The following EGFLAM variants were observed in gnomAD, a reference collection of about 807,000 sequenced individuals.
The protein encoded by EGFLAM is pikachurin.
EGFLAM carries 79 observed loss-of-function variants against 113.1 expected under a neutral mutation model. The ratio of observed to expected loss-of-function variants is 0.70; its 90% CI spans 0.58 to 0.84. The LOEUF is 0.84. Among genes scored for constraint, EGFLAM ranks in the 40% least tolerant of loss-of-function variants. The probability of loss-of-function intolerance (pLI) is 0.00; values close to 1 mark genes in which losing one functional copy is unlikely to be tolerated. For missense variants in EGFLAM, 1,265 were observed against 1,291.6 expected, an observed-to-expected ratio of 0.98 and a Z score of 0.32; for synonymous variants, 504 against 487.6, an observed-to-expected ratio of 1.03 and a Z score of -0.44.
At chr5:38,381,762 A>T (rs1377369206) in intron 6 of EGFLAM, among the ~76,000 whole-genome samples, 2 of 152,150 alleles carry the variant, frequency 1.3e-5, no homozygotes, top group East Asian at 3.9e-4. Context: ...TGGGCAGCAC[A>T]CAAGTGGAAG....
At chr5:38,371,612 G>A (rs1022453645) in intron 6 of EGFLAM, among the ~76,000 whole-genome samples, 5 of 151,038 alleles carry the variant, frequency 3.3e-5, no homozygotes, top group Non-Finnish European at 5.9e-5. Flanking sequence ...ACACACATGC[G>A]CACACACACA....
intron 1 of EGFLAM, among the ~76,000 whole-genome samples, chr5:38,311,834 G>A (rs960063832): frequency 3.3e-5 from 5 of 152,124 alleles, no homozygotes; most frequent in Admixed American, 3.3e-4. Flanking sequence ...GAGGTCCTTG[G>A]ACAAACGACA....
chr5:38,294,630 T>C (rs1561266953), intron 1 of EGFLAM, among the ~76,000 whole-genome samples: 1 of 152,114 alleles, frequency 6.6e-6, no homozygotes, highest in Non-Finnish European at 1.5e-5. Context: ...CACAGGGTGA[T>C]GCTCCCATAC....
At chr5:38,417,022 C>A (rs1741661446) in intron 11 of EGFLAM, among the ~76,000 whole-genome samples, 1 of 151,976 alleles carries the variant, frequency 6.6e-6, no homozygotes, top group African/African-American at 2.4e-5. Flanking sequence ...CTTCCTTACC[C>A]TGTAATGCAG....
chr5:38,402,411 A>G (rs1469495855), intron 6 of EGFLAM, among the ~76,000 whole-genome samples: 1 of 152,170 alleles, frequency 6.6e-6, no homozygotes, highest in Non-Finnish European at 1.5e-5. Flanking sequence ...CACCAATTTT[A>G]TAGTATTTTG....
chr5:38,434,451 G>A (rs899432980), intron 15 of EGFLAM, among the ~76,000 whole-genome samples: 1 of 152,206 alleles, frequency 6.6e-6, no homozygotes, highest in African/African-American at 2.4e-5. Flanking sequence ...AGTGGCTGGG[G>A]CATATTGTAG....
At chr5:38,314,976 G>A (rs1163849508) in intron 1 of EGFLAM, among the ~76,000 whole-genome samples, 1 of 152,160 alleles carries the variant, frequency 6.6e-6, no homozygotes, top group Non-Finnish European at 1.5e-5. Flanking sequence ...CTTGTCATAA[G>A]CCACAATATT....
intron 14 of EGFLAM, 25 bp downstream of exon 14, chr5:38,427,277 T>C: frequency 6.2e-7 from 1 of 1,605,090 alleles, no homozygotes; most frequent in Non-Finnish European, 8.5e-7. Flanking sequence ...CTTCTGGGAC[T>C]CTTTCCCTTA....
At chr5:38,342,574 T>C (rs1372012107) in intron 3 of EGFLAM, among the ~76,000 whole-genome samples, 1 of 152,218 alleles carries the variant, frequency 6.6e-6, no homozygotes, top group Admixed American at 6.5e-5. Context: ...ATCTGCCTTA[T>C]AGTAGCTTTC....
chr5:38,347,730 G>T (rs1739511457), intron 3 of EGFLAM, among the ~76,000 whole-genome samples: 1 of 151,842 alleles, frequency 6.6e-6, no homozygotes, highest in African/African-American at 2.4e-5. Flanking sequence ...ATAAACAGGG[G>T]GACAAAAACA....
chr5:38,457,591 C>T (rs988495264), intron 19 of EGFLAM, among the ~76,000 whole-genome samples: 1 of 152,150 alleles, frequency 6.6e-6, no homozygotes, highest in African/African-American at 2.4e-5. Context: ...TGCCCTAATC[C>T]AGTATGACTT....
chr5:38,394,045 C>T (rs1264672854), intron 6 of EGFLAM, among the ~76,000 whole-genome samples: 12 of 152,088 alleles, frequency 7.9e-5, no homozygotes. Context: ...GGCCCATCTC[C>T]GAAGCCGCAC....
At chr5:38,279,379 G>A (rs1757962947) in intron 1 of EGFLAM, among the ~76,000 whole-genome samples, 2 of 152,210 alleles carry the variant, frequency 1.3e-5, no homozygotes, top group Admixed American at 6.5e-5. Flanking sequence ...ATATCAAAAG[G>A]AAATGAAATC....
At chr5:38,311,437 T>C (rs554486384) in intron 1 of EGFLAM, among the ~76,000 whole-genome samples, 1 of 152,198 alleles carries the variant, frequency 6.6e-6, no homozygotes, top group African/African-American at 2.4e-5. Flanking sequence ...AGTGAGATCA[T>C]GCGATCTTTG....
chr5:38,425,084 G>A lies in EGFLAM; in HGVS notation c.1802G>A (p.Cys601Tyr), dbSNP rs1741954913. The change falls in exon 13 of 22, where the codon TGT (cysteine) becomes TAT (tyrosine). Residue 601 changes from cysteine to tyrosine, a missense_variant. By Grantham distance (194) the Cys-to-Tyr change is radical (BLOSUM62 -2). Transcript: ENST00000322350. ...CCCCTTGGGTTTAAAGGTCGACACTGTGAAGATGGTGAGAAAGAAGCAAGT... is the reference window on the plus strand; with the variant it reads ...CCCCTTGGGTTTAAAGGTCGACACTATGAAGATGGTGAGAAAGAAGCAAGT... The part of the protein sequence containing the change: ...LCPLGFKGRH[C>Y]EDAFTLTIPQ... 9.3e-6 allele frequency: 15 copies of A among 1,613,310 alleles called. No homozygotes were observed. The highest frequency in any genetic ancestry group is 1.3e-5 in the Non-Finnish European group (15 of 1,179,580).
At chr5:38,425,324 G>A (rs545560806) in intron 13 of EGFLAM, among the ~76,000 whole-genome samples, 4 of 151,946 alleles carry the variant, frequency 2.6e-5, no homozygotes, top group African/African-American at 7.3e-5. Flanking sequence ...AACTACAGGC[G>A]CCCAGCTAAT....
At chr5:38,282,762 G>A (rs1283507479) in intron 1 of EGFLAM, among the ~76,000 whole-genome samples, 1 of 152,166 alleles carries the variant, frequency 6.6e-6, no homozygotes, top group Non-Finnish European at 1.5e-5. Context: ...TATATCATGG[G>A]AAGAAGGCAA....
At chr5:38,385,204 A>G (rs1354638488) in intron 6 of EGFLAM, among the ~76,000 whole-genome samples, 1 of 151,602 alleles carries the variant, frequency 6.6e-6, no homozygotes, top group African/African-American at 2.4e-5. Flanking sequence ...TTACATTGCA[A>G]CCTAGTACAC....
At chr5:38,448,465 G>T in intron 18 of EGFLAM, 86 bp downstream of exon 18, 1 of 1,373,878 alleles carries the variant, frequency 7.3e-7, no homozygotes, top group Non-Finnish European at 1.0e-6. Flanking sequence ...TATATTTCAT[G>T]CCAGAAGATA....
Sources: allele counts gnomAD v4.1 joint callset (sites outside exome capture counted in the v4.1 genomes callset), GRCh38; gene constraint gnomAD v4.1.1; transcripts MANE v1.5; gene names NCBI Gene and HGNC (gene_info 2026-07-23, HGNC 2026-07-21).